The following RAB28 variants were observed in gnomAD, a reference collection of about 807,000 sequenced individuals.
RAB28 encodes the protein ras-related protein Rab-28.
RAB28 carries 24 observed loss-of-function variants against 31.7 expected under a neutral mutation model. The ratio of observed to expected loss-of-function variants is 0.76; its 90% CI spans 0.55 to 1.06. RAB28 has a LOEUF of 1.06. Among genes scored for constraint, RAB28 ranks in the 50% least tolerant of loss-of-function variants. The pLI is 0.00. For missense variants in RAB28, 254 were observed against 258.5 expected (o/e 0.98, Z 0.12); for synonymous variants, 100 against 90.4 (o/e 1.11, Z -0.60).
At chr4:13,393,418 C>A (rs1027302478) in intron 4 of RAB28, among the ~76,000 whole-genome samples, 2 of 152,226 alleles carry the variant, frequency 1.3e-5, no homozygotes, top group Middle Eastern at 3.4e-3. Flanking sequence ...AGTTTACGTG[C>A]GAATAGGTGA....
intron 4 of RAB28, among the ~76,000 whole-genome samples, chr4:13,448,680 C>T (rs773414045): frequency 6.6e-6 from 1 of 152,028 alleles, no homozygotes; most frequent in Non-Finnish European, 1.5e-5. Flanking sequence ...TGAAGGCAAG[C>T]TTATGCATTT....
chr4:13,382,199 T>A (rs1729160738), intron 4 of RAB28, among the ~76,000 whole-genome samples: 1 of 152,214 alleles, frequency 6.6e-6, no homozygotes, highest in Admixed American at 6.5e-5. Context: ...GGGGCAAGGA[T>A]GTATTTCCTT....
chr4:13,407,321 G>C (rs1275009430), intron 4 of RAB28, among the ~76,000 whole-genome samples: 1 of 152,150 alleles, frequency 6.6e-6, no homozygotes, highest in Non-Finnish European at 1.5e-5. Context: ...GGTTGTAGAT[G>C]TGTGGCGTTA....
chr4:13,483,635 A>G (rs776695785), intron 1 of RAB28, among the ~76,000 whole-genome samples: 5 of 152,216 alleles, frequency 3.3e-5, no homozygotes, highest in African/African-American at 4.8e-5. Context: ...CAGAGCCCCA[A>G]TTCTCACCCG....
intron 4 of RAB28, among the ~76,000 whole-genome samples, chr4:13,436,904 A>G (rs1714147557): frequency 6.6e-6 from 1 of 152,204 alleles, no homozygotes; most frequent in Non-Finnish European, 1.5e-5. Flanking sequence ...CTGGATAGCC[A>G]AAGTAATCAT....
At chr4:13,458,762 C>T (rs140601109) in intron 4 of RAB28, among the ~76,000 whole-genome samples, 173 of 152,258 alleles carry the variant, frequency 1.1e-3, no homozygotes, top group African/African-American at 3.9e-3. Flanking sequence ...GTTATAACTG[C>T]CTACAGTATG....
intron 4 of RAB28, among the ~76,000 whole-genome samples, chr4:13,416,425 G>A (rs895255321): frequency 6.6e-5 from 10 of 152,112 alleles, no homozygotes; most frequent in South Asian, 2.1e-4. Context: ...CACTCACCGC[G>A]AGGGTCCGCG....
chr4:13,368,567 T>C lies in RAB28; in HGVS notation c.657A>G (p.Ala219=), dbSNP rs1333223081. Residue 219 remains alanine (A), a synonymous_variant, in exon 7 of 7, where the codon GCA becomes GCG. Coordinates refer to ENST00000330852, the MANE Select transcript of RAB28 (RefSeq NM_001017979.3). The part of the protein sequence containing the change: ...TVNPPRSSMC[A]VQ Reference sequence around the variant, plus strand: ...CAAAAGAAAAATGCGCTCACTGAACTGCACACATAGAGCTTCTAGGAGGGT... The same window carrying C: ...CAAAAGAAAAATGCGCTCACTGAACCGCACACATAGAGCTTCTAGGAGGGT... The C allele has an allele frequency of 6.2e-7, 1 of 1,610,560 alleles. No homozygotes were observed. The highest frequency in any genetic ancestry group is 1.1e-5 in the South Asian group (1 of 90,766).
chr4:13,432,989 A>G (rs1177583799), intron 4 of RAB28, among the ~76,000 whole-genome samples: 3 of 152,004 alleles, frequency 2.0e-5, no homozygotes, highest in African/African-American at 7.2e-5. Flanking sequence ...ATTTAAAAAA[A>G]AAAAAAGAAA....
intron 4 of RAB28, among the ~76,000 whole-genome samples, chr4:13,454,227 C>G (rs1715165115): frequency 6.6e-6 from 1 of 152,136 alleles, no homozygotes; most frequent in South Asian, 2.1e-4. Flanking sequence ...ATTCCTCATT[C>G]ATATCATGAA....
intron 5 of RAB28, among the ~76,000 whole-genome samples, chr4:13,381,220 T>C (rs1729114595): frequency 6.6e-6 from 1 of 152,102 alleles, no homozygotes; most frequent in African/African-American, 2.4e-5. Flanking sequence ...CTAGATGGAA[T>C]CATATGAGGT....
intron 4 of RAB28, among the ~76,000 whole-genome samples, chr4:13,418,157 T>A (rs185232904): frequency 6.6e-6 from 1 of 152,074 alleles, no homozygotes; most frequent in African/African-American, 2.4e-5. Flanking sequence ...GTATCAGCGA[T>A]TGAAGATCAA....
chr4:13,439,930 T>C (rs540461185), intron 4 of RAB28, among the ~76,000 whole-genome samples: 1 of 152,306 alleles, frequency 6.6e-6, no homozygotes, highest in Non-Finnish European at 1.5e-5. Flanking sequence ...CTTTAGAAAT[T>C]ATATCAGAAT....
At chr4:13,437,082 A>T (rs1714159483) in intron 4 of RAB28, among the ~76,000 whole-genome samples, 1 of 152,210 alleles carries the variant, frequency 6.6e-6, no homozygotes, top group Non-Finnish European at 1.5e-5. Flanking sequence ...CTAATCTTCG[A>T]CAAAGTTGAC....
At position 13,370,917 on chromosome 4, in the gene RAB28, T is replaced by A. The variant is rs190115210; in HGVS notation, c.574-2267A>T. On this transcript the variant is annotated intron_variant, in intron 6 of 6. Coordinates refer to ENST00000330852, the MANE Select transcript of RAB28 (RefSeq NM_001017979.3). Reference sequence around the variant, plus strand: ...CTACCCTTAGGATAAAAAGACCATATGTGACAAATATGTATGACACAGATA... The same window carrying A: ...CTACCCTTAGGATAAAAAGACCATAAGTGACAAATATGTATGACACAGATA... 7.2e-6 allele frequency: 7 copies of A among 966,620 alleles called. No individual in the cohort carries two copies. In the Admixed American group the frequency reaches 3.7e-4, roughly 51 times the overall value. The allele number at this position is 966,620 out of a possible 1,614,324, so 59.9% of individuals were successfully genotyped here.
Position 13,460,826 on chromosome 4 carries a change from T to A in RAB28, c.264A>T (p.Gly88=). The part of the protein sequence containing the change: ...MLDKYIYGAQ[G]VLLVYDITNY... ...TTGTAATATCATATACCAAGAGGAC[T>A]CCCTGTCACAAAAGAGTTACAAAAT... is the stretch of plus-strand genomic sequence containing the variant. Residue 88 remains glycine, a splice_region_variant and synonymous_variant, in exon 4 of 7, where the codon GGA becomes GGT. Coordinates refer to ENST00000330852, the MANE Select transcript of RAB28 (RefSeq NM_001017979.3). 2 of 1,609,348 alleles carry A rather than the reference T, an allele frequency of 1.2e-6. No homozygotes were observed. Among genetic ancestry groups the A allele is most frequent in the Non-Finnish European group, 1.7e-6 (2 of 1,177,698 alleles).
chr4:13,390,924 A>T (rs1729599849), intron 4 of RAB28, among the ~76,000 whole-genome samples: 1 of 152,212 alleles, frequency 6.6e-6, no homozygotes, highest in African/African-American at 2.4e-5. Flanking sequence ...TTAAAGACTT[A>T]AATGTTAGAC....
chr4:13,375,794 C>CA (rs71648135), intron 6 of RAB28, among the ~76,000 whole-genome samples: 7 of 148,106 alleles, frequency 4.7e-5, no homozygotes, highest in Admixed American at 4.7e-4. Context: ...CACACACACA[C>CA]AGAGAGAGAG....
At chr4:13,470,310 A>G (rs1297497671) in intron 3 of RAB28, among the ~76,000 whole-genome samples, 5 of 152,120 alleles carry the variant, frequency 3.3e-5, no homozygotes, top group African/African-American at 1.2e-4. Context: ...TAACACAAAG[A>G]AAGTCTACAA....
Sources: allele counts gnomAD v4.1 joint callset (sites outside exome capture counted in the v4.1 genomes callset), GRCh38; gene constraint gnomAD v4.1.1; transcripts MANE v1.5; gene names NCBI Gene and HGNC (gene_info 2026-07-23, HGNC 2026-07-21).